Variants in KIFC1 observed in about 807,000 individuals in gnomAD.
KIFC1 encodes the protein kinesin-like protein KIFC1.
In KIFC1, 37 loss-of-function variants were observed where a neutral mutation model predicts 66.6. That is an observed-to-expected ratio of 0.56 (90% CI 0.43 to 0.73). The LOEUF is 0.73. KIFC1 is among the 30% of genes least tolerant of loss of function. KIFC1 has a pLI of 0.00. For synonymous variants in KIFC1, 325 were observed against 343.5 expected (o/e 0.95, Z 0.60); for missense variants, 721 against 859.8 (o/e 0.84, Z 2.02).
chr6:33,400,521 G>C lies in KIFC1; in HGVS notation c.250+2134G>C. 2 of 1,574,630 alleles carry C rather than the reference G, an allele frequency of 1.3e-6. No homozygotes were observed. Among genetic ancestry groups the C allele is most frequent in the Non-Finnish European group, 1.7e-6 (2 of 1,149,750 alleles). On this transcript the variant is annotated intron_variant, in intron 3 of 10. Transcript: ENST00000428849. The surrounding 1 kb of genome is among the most constrained non-coding windows in gnomAD (Gnocchi z 4.3). ...CACCTCTGGTGCACCTCAGGTATAC[G>C]ACCTTGATCTCGTTGGGGTCGAACT...
At chr6:33,409,213 C>A (rs182472476) in intron 10 of KIFC1, among the ~76,000 whole-genome samples, 26 of 152,230 alleles carry the variant, frequency 1.7e-4, no homozygotes, top group South Asian at 6.2e-4. Flanking sequence ...GTGCCAGTGT[C>A]CTTTAGACAG....
Position 33,403,196 on chromosome 6 carries a change from G to A in KIFC1, c.251-118G>A. ...CTGGCCAGACTTAGGGATAAGGGAA[G>A]GAAGTTATCCTATTTCTAATTCTGA... On this transcript the variant is annotated intron_variant, in intron 3 of 10. Coordinates refer to ENST00000428849, the MANE Select transcript of KIFC1 (RefSeq NM_002263.4). The surrounding 1 kb of genome is among the most constrained non-coding windows in gnomAD (Gnocchi z 4.6). 1.1e-6 allele frequency: 1 copy of A among 929,394 alleles called. No individual in the cohort carries two copies. Among genetic ancestry groups the A allele is most frequent in the Non-Finnish European group, 1.7e-6 (1 of 579,338 alleles). 57.6% of individuals were successfully genotyped at this position (929,394 alleles called of 1,614,324 possible). A position where few individuals can be genotyped will look rare whatever the true frequency, so the allele number is the denominator to read the frequency against.
chr6:33,406,374 T>C lies in KIFC1; in HGVS notation c.1715T>C (p.Leu572Pro). Residue 572 changes from leucine to proline, a missense_variant, in exon 8 of 11, where the codon CTT becomes CCT. By Grantham distance (98) the Leu-to-Pro change is moderately conservative (BLOSUM62 -3). Transcript: ENST00000428849. The surrounding 1 kb of genome is among the most constrained non-coding windows in gnomAD (Gnocchi z 4.5). ...GTGGACCTGGCCGGGAGTGAGCGAC[T>C]TGACCCCGGCTTAGCCCTCGGCCCC... ...SLVDLAGSER[L>P]DPGLALGPGE... The C allele has an allele frequency of 6.2e-7, 1 of 1,613,794 alleles. No homozygotes were observed. The highest frequency in any genetic ancestry group is 8.5e-7 in the Non-Finnish European group (1 of 1,179,710).
Position 33,403,396 on chromosome 6 carries a change from A to T in KIFC1, c.304+29A>T. On this transcript the variant is annotated intron_variant, in intron 4 of 10. Transcript: ENST00000428849. The surrounding 1 kb of genome is among the most constrained non-coding windows in gnomAD (Gnocchi z 4.6). ...ACTGTGCTCAAGAGCTGGGTCTGAG[A>T]AGGGATTTGGGGTATGTGTAAAGGG... 1 of 1,613,272 alleles carries T rather than the reference A, an allele frequency of 6.2e-7. No homozygotes were observed. The highest frequency in any genetic ancestry group is 8.5e-7 in the Non-Finnish European group (1 of 1,179,210).
In KIFC1 at chr6:33,406,469, A is replaced by G; in HGVS notation, c.1810A>G (p.Met604Val). 1 of 1,598,486 alleles carries G rather than the reference A, an allele frequency of 6.3e-7. No homozygotes were observed. The highest frequency in any genetic ancestry group is 8.5e-7 in the Non-Finnish European group (1 of 1,170,172). ...SSLSTLGLVI[M>V]ALSNKESHVP... The stretch of plus-strand genomic sequence containing the variant: ...CCTGTCCACGCTGGGGCTGGTTATC[A>G]TGGCCCTGAGCAACAAGGTGGGAAT... The change falls in exon 8 of 11, where the codon ATG becomes GTG. Residue 604 changes from methionine to valine, a missense_variant. By Grantham distance (21) the Met-to-Val change is conservative. Coordinates refer to ENST00000428849, the MANE Select transcript of KIFC1 (RefSeq NM_002263.4). The surrounding 1 kb of genome is among the most constrained non-coding windows in gnomAD (Gnocchi z 4.5).
chr6:33,409,604 T>G (rs765697964), intron 10 of KIFC1, 42 bp from the exon 11 acceptor site: 2 of 1,594,084 alleles, frequency 1.3e-6, no homozygotes, highest in African/African-American at 2.7e-5. Flanking sequence ...GTTGTATTGG[T>G]TACGCTGCAA....
chr6:33,406,962 G>A lies in KIFC1; in HGVS notation c.1977+87G>A. Reference sequence around the variant, plus strand: ...AATCCCTTTTGTCTTCTAGGGCAGGGAGCACATTTGTGCAGAAAGGTTTTG... The same window carrying A: ...AATCCCTTTTGTCTTCTAGGGCAGGAAGCACATTTGTGCAGAAAGGTTTTG... On this transcript the variant is annotated intron_variant, in intron 10 of 10. Transcript: ENST00000428849. This position sits in a 1 kb window ranked among gnomAD's most constrained non-coding sequence, Gnocchi z 4.5. 1 of 1,573,814 alleles carries A rather than the reference G, an allele frequency of 6.4e-7. No individual in the cohort carries two copies. The highest frequency in any genetic ancestry group is 8.6e-7 in the Non-Finnish European group (1 of 1,158,270).
rs1775694490 is a variant in KIFC1 at position 33,406,952 on chromosome 6, C to G, written c.1977+77C>G. The G allele has an allele frequency of 1.9e-5, 31 of 1,594,580 alleles. 1 individual carries two copies. The South Asian group carries it at 3.4e-4, about 17-fold the overall frequency. ...TCTCCATTCCAATCCCTTTTGTCTTCTAGGGCAGGGAGCACATTTGTGCAG... is the reference window on the plus strand; with the variant it reads ...TCTCCATTCCAATCCCTTTTGTCTTGTAGGGCAGGGAGCACATTTGTGCAG... On this transcript the variant is annotated intron_variant, in intron 10 of 10. Coordinates refer to ENST00000428849, the MANE Select transcript of KIFC1 (RefSeq NM_002263.4). This position sits in a 1 kb window ranked among gnomAD's most constrained non-coding sequence, Gnocchi z 4.5.
intron 1 of KIFC1, among the ~76,000 whole-genome samples, chr6:33,394,851 T>C (rs1283750130): frequency 6.6e-6 from 1 of 152,112 alleles, no homozygotes; most frequent in Admixed American, 6.6e-5. Flanking sequence ...ACATATAAAT[T>C]TGGAAACTGT....
At chr6:33,398,555 C>T (rs1775214330) in intron 3 of KIFC1, among the ~76,000 whole-genome samples, 168 bp downstream of exon 3, 1 of 152,304 alleles carries the variant, frequency 6.6e-6, no homozygotes, top group East Asian at 1.9e-4. Context: ...CCTCCTCCTC[C>T]CAGGTTCAAA....
intron 3 of KIFC1, among the ~76,000 whole-genome samples, chr6:33,398,705 A>T (rs572285000): frequency 6.6e-6 from 1 of 152,204 alleles, no homozygotes; most frequent in South Asian, 2.1e-4. Context: ...ACCTCAGGTG[A>T]TCCACCCGCC....
At chr6:33,397,893 C>A in intron 1 of KIFC1, 136 bp from the exon 2 acceptor site, 1 of 886,806 alleles carries the variant, frequency 1.1e-6, no homozygotes, top group Non-Finnish European at 1.8e-6. Context: ...CTGTCTGGCA[C>A]ATAATTCAGC....
rs1288517138 is a variant in KIFC1, at chr6:33,400,033, C to T, written c.250+1646C>T. ...TTTTTCGACCAGTTGTCAAATGATCCTTTATTGAAATATTTTCCTTTGTGC... is the reference window on the plus strand; with the variant it reads ...TTTTTCGACCAGTTGTCAAATGATCTTTTATTGAAATATTTTCCTTTGTGC... On this transcript the variant is annotated intron_variant, in intron 3 of 10. Coordinates refer to ENST00000428849, the MANE Select transcript of KIFC1 (RefSeq NM_002263.4). The surrounding 1 kb of genome is among the most constrained non-coding windows in gnomAD (Gnocchi z 4.3). 36 of 660,886 alleles carry T rather than the reference C, an allele frequency of 5.4e-5. No individual in the cohort carries two copies. In the Admixed American group the frequency reaches 8.1e-4, roughly 15 times the overall value. 40.9% of individuals were successfully genotyped at this position (660,886 alleles called of 1,614,324 possible). A position where few individuals can be genotyped will look rare whatever the true frequency, so the allele number is the denominator to read the frequency against.
Position 33,391,878 on chromosome 6 carries a change from G to A in KIFC1, c.-108G>A. ...GCTGGTAGCGGCCGGAGCCGTGCGA[G>A]TTCTCTACCCTGCTTCGCGAGCGGG... On this transcript the variant is annotated 5_prime_UTR_variant, in exon 1 of 11. Coordinates refer to ENST00000428849, the MANE Select transcript of KIFC1 (RefSeq NM_002263.4). 1 of 1,406,598 alleles carries A rather than the reference G, an allele frequency of 7.1e-7. No homozygotes were observed. The highest frequency in any genetic ancestry group is 9.9e-7 in the Non-Finnish European group (1 of 1,005,292). The allele number at this position is 1,406,598 out of a possible 1,614,324, so 87.1% of individuals were successfully genotyped here.
In KIFC1 at chr6:33,400,002, CT is replaced by C. The variant is rs1018184373; in HGVS notation, c.250+1625del. 762 of 552,140 alleles carry C rather than the reference CT, an allele frequency of 1.4e-3. No individual in the cohort carries two copies. The highest frequency in any genetic ancestry group is 2.3e-3 in the South Asian group (102 of 44,946). 34.2% of individuals were successfully genotyped at this position (552,140 alleles called of 1,614,324 possible). ...ATGTAACATTTTAATCTTTTTTTAA[CT>C]TTTTTTTTTCGACCAGTTGTCAAAT... On this transcript the variant is annotated intron_variant, in intron 3 of 10. Coordinates refer to ENST00000428849, the MANE Select transcript of KIFC1 (RefSeq NM_002263.4). This position sits in a 1 kb window ranked among gnomAD's most constrained non-coding sequence, Gnocchi z 4.3.
chr6:33,399,930 A>G (rs1184481039), intron 3 of KIFC1: 7 of 562,570 alleles, frequency 1.2e-5, no homozygotes, highest in African/African-American at 1.9e-5. Flanking sequence ...TACTATAACT[A>G]TTTTACTTTA....
Position 33,391,957 on chromosome 6 carries a change from C to T in KIFC1, c.-29C>T. ...GCACCCAGTTCTCTTCCACTGCATT[C>T]CCCCGGCGCGTGTGGGACCGAGGTG... On this transcript the variant is annotated 5_prime_UTR_variant, in exon 1 of 11. Transcript: ENST00000428849. 1.9e-6 allele frequency: 3 copies of T among 1,613,608 alleles called. No individual in the cohort carries two copies. The highest frequency in any genetic ancestry group is 2.5e-6 in the Non-Finnish European group (3 of 1,179,740).
At chr6:33,399,522 T>A (rs1457979773) in intron 3 of KIFC1, among the ~76,000 whole-genome samples, 5 of 152,236 alleles carry the variant, frequency 3.3e-5, no homozygotes, top group Non-Finnish European at 7.3e-5. Flanking sequence ...ATGTACTTAC[T>A]GAAACCTAGA....
chr6:33,409,571 G>T, intron 10 of KIFC1, 75 bp from the exon 11 acceptor site: 2 of 1,417,186 alleles, frequency 1.4e-6, no homozygotes, highest in Non-Finnish European at 2.0e-6. Flanking sequence ...TAGCATTGGA[G>T]GATGGGAGAT....
Sources: gnomAD v4.1 joint callset for allele counts (sites outside exome capture counted in the v4.1 genomes callset) on GRCh38, gnomAD v4.1.1 for gene constraint, Gnocchi (gnomAD v3.1) non-coding constraint, MANE v1.5 for transcripts, NCBI Gene and HGNC (gene_info 2026-07-23, HGNC 2026-07-21) for gene names.